The following CLEC7A variants were observed in gnomAD, a reference collection of about 807,000 sequenced individuals.
CLEC7A encodes the protein C-type lectin domain containing 7A.
In CLEC7A, 25 loss-of-function variants were observed where a neutral mutation model predicts 26.9. That is an observed-to-expected ratio of 0.93 (90% CI 0.68 to 1.30). The LOEUF (loss-of-function observed/expected upper bound fraction) is 1.30. CLEC7A is among the 50% of genes most tolerant of loss of function. The pLI is 0.00. For synonymous variants in CLEC7A, 100 were observed against 99.5 expected (o/e 1.01, Z -0.03); for missense variants, 275 against 286.7 (o/e 0.96, Z 0.29).
intron 1 of CLEC7A, among the ~76,000 whole-genome samples, chr12:10,129,557 A>G (rs1948419010): frequency 6.6e-6 from 1 of 152,210 alleles, no homozygotes; most frequent in Admixed American, 6.5e-5. Context: ...GTATATCCAT[A>G]AAAATATACA....
rs1947943753 is a variant in CLEC7A at position 10,117,394 on chromosome 12, G to A, written c.*1064C>T. 6.6e-6 allele frequency: 1 copy of A among 152,174 alleles called. No homozygotes were observed. The highest frequency in any genetic ancestry group is 2.4e-5 in the African/African-American group (1 of 41,392). 9.4% of individuals were successfully genotyped at this position (152,174 alleles called of 1,614,324 possible). On this transcript the variant is annotated 3_prime_UTR_variant, in exon 6 of 6. Coordinates refer to ENST00000304084, the MANE Select transcript of CLEC7A (RefSeq NM_197947.3). ...AAAAATACAAAATTAGCCGGGTGTG[G>A]TGGTGCCTGACTGTAATCCCAGCTA... is the stretch of plus-strand genomic sequence containing the variant.
In CLEC7A at chr12:10,122,484, C is replaced by CTTTTT. The variant is rs143612827; in HGVS notation, c.611+756_611+760dup. The stretch of plus-strand genomic sequence containing the variant: ...AGAGGAAAGCACTCTTTCTTTTTTT[C>CTTTTT]TTTTTTTTTTTTTTTTTTTTTGAGT... On this transcript the variant is annotated intron_variant, in intron 5 of 5. Coordinates refer to ENST00000304084, the MANE Select transcript of CLEC7A (RefSeq NM_197947.3). Among the ~76,000 whole-genome samples, 207 of 128,736 alleles carry CTTTTT rather than the reference C, an allele frequency of 1.6e-3. 3 individuals carry two copies. Among genetic ancestry groups the CTTTTT allele is most frequent in the African/African-American group, 2.0e-3 (65 of 31,870 alleles). 84.5% of individuals were successfully genotyped at this position (128,736 alleles called of 152,430 possible).
intron 2 of CLEC7A, chr12:10,127,367 A>G (rs768552452): frequency 6.2e-7 from 1 of 1,601,252 alleles, no homozygotes; most frequent in African/African-American, 1.3e-5. Context: ...AGACAGCACC[A>G]TATTGTACTT....
chr12:10,126,734 T>A (rs1223661893), intron 2 of CLEC7A, 26 bp from the exon 3 acceptor site: 3 of 1,569,162 alleles, frequency 1.9e-6, no homozygotes, highest in Admixed American at 1.9e-5. Flanking sequence ...ATAATAATAG[T>A]GACAGAAAAA....
At chr12:10,122,849 A>G (rs907037278) in intron 5 of CLEC7A, among the ~76,000 whole-genome samples, 2 of 152,140 alleles carry the variant, frequency 1.3e-5, no homozygotes, top group East Asian at 1.9e-4. Flanking sequence ...AAAGTGACTT[A>G]TCCCCAGTGT....
At chr12:10,123,590 TCTCTA>T in intron 4 of CLEC7A, among the ~76,000 whole-genome samples, 1 of 146,858 alleles carries the variant, frequency 6.8e-6, no homozygotes, top group South Asian at 2.1e-4. Flanking sequence ...TGAAACCCCG[TCTCTA>T]CTAAAAATAC....
At chr12:10,121,697 C>G (rs557668816) in intron 5 of CLEC7A, among the ~76,000 whole-genome samples, 1 of 152,168 alleles carries the variant, frequency 6.6e-6, no homozygotes, top group Non-Finnish European at 1.5e-5. Context: ...AGCCTTAAGT[C>G]TACATACTTG....
At chr12:10,118,979 C>G (rs1405980634) in intron 5 of CLEC7A, among the ~76,000 whole-genome samples, 1 of 151,762 alleles carries the variant, frequency 6.6e-6, no homozygotes, top group Non-Finnish European at 1.5e-5. Context: ...AATGAGTAGA[C>G]CAAGCAGAAG....
chr12:10,126,486 T>G (rs1316490406), intron 3 of CLEC7A, 85 bp downstream of exon 3: 1 of 1,482,244 alleles, frequency 6.7e-7, no homozygotes. Flanking sequence ...AATCTAAGTG[T>G]TTTTCTTTAC....
At chr12:10,127,630 A>G (rs1248170751) in intron 2 of CLEC7A, 117 bp downstream of exon 2, 2 of 946,030 alleles carry the variant, frequency 2.1e-6, no homozygotes, top group African/African-American at 3.3e-5. Context: ...TACAGATAAA[A>G]CCAGATTATA....
chr12:10,126,618 G>A lies in CLEC7A; in HGVS notation c.293C>T (p.Ser98Leu). The change falls in exon 3 of 6, where the codon TCA (serine) becomes TTA (leucine). Residue 98 changes from serine to leucine, a missense_variant. Ser to Leu is a moderately radical substitution (Grantham distance 145). Transcript: ENST00000304084. ...NKENHSQPTQ[S>L]SLEDSVTPTK... ...AGGAGTCACACTGTCTTCTAAAGATGATTGTGTGGGTTGACTGTGGTTCTC... is the reference window on the plus strand; with the variant it reads ...AGGAGTCACACTGTCTTCTAAAGATAATTGTGTGGGTTGACTGTGGTTCTC... The A allele has an allele frequency of 6.2e-7, 1 of 1,613,018 alleles. No homozygotes were observed. The highest frequency in any genetic ancestry group is 8.5e-7 in the Non-Finnish European group (1 of 1,179,544).
chr12:10,120,583 A>G (rs1948047536), intron 5 of CLEC7A, among the ~76,000 whole-genome samples: 1 of 151,092 alleles, frequency 6.6e-6, no homozygotes, highest in South Asian at 2.1e-4. Flanking sequence ...TTGTCTGTCT[A>G]ATTTTTATAT....
intron 1 of CLEC7A, 150 bp from the exon 2 acceptor site, chr12:10,127,995 G>C: frequency 1.6e-6 from 1 of 607,862 alleles, no homozygotes; most frequent in South Asian, 2.1e-5. Context: ...AGGATTGCTT[G>C]AGGCCAGAAG....
chr12:10,123,407 A>C (rs1948162910), intron 4 of CLEC7A, 44 bp from the exon 5 acceptor site: 1 of 1,138,222 alleles, frequency 8.8e-7, no homozygotes, highest in African/African-American at 1.6e-5. Context: ...AGAGAGAGAG[A>C]GAGAGAAAGA....
In CLEC7A at chr12:10,118,382, C is replaced by T. The variant is rs564703740; in HGVS notation, c.*76G>A. ...TTTTCTGCATTTATCTTGACCTCAG[C>T]TGTTACTCTTTTCTGTTCTGTTTTC... On this transcript the variant is annotated 3_prime_UTR_variant, in exon 6 of 6. Coordinates refer to ENST00000304084, the MANE Select transcript of CLEC7A (RefSeq NM_197947.3). 7 of 1,363,872 alleles carry T rather than the reference C, an allele frequency of 5.1e-6. No homozygotes were observed. The Admixed American group carries it at 5.8e-5, about 11-fold the overall frequency. 84.5% of individuals were successfully genotyped at this position (1,363,872 alleles called of 1,614,324 possible). A position where few individuals can be genotyped will look rare whatever the true frequency, so the allele number is the denominator to read the frequency against.
chr12:10,123,114 A>T, intron 5 of CLEC7A, 131 bp downstream of exon 5: 1 of 629,478 alleles, frequency 1.6e-6, no homozygotes, highest in Admixed American at 2.8e-5. Flanking sequence ...CTCTTCTTCT[A>T]TATCTTTCTC....
chr12:10,130,135 G>T lies in CLEC7A; in HGVS notation c.-53C>A. On this transcript the variant is annotated 5_prime_UTR_variant, in exon 1 of 6. Transcript: ENST00000304084. The stretch of plus-strand genomic sequence containing the variant: ...AGCATTTGGGAGCTCTTTTCTTTCT[G>T]CTCCTGAGATGACTGTCTGTGGACA... 1 of 845,482 alleles carries T rather than the reference G, an allele frequency of 1.2e-6. No individual in the cohort carries two copies. Among genetic ancestry groups the T allele is most frequent in the Non-Finnish European group, 2.0e-6 (1 of 505,026 alleles). 52.4% of individuals were successfully genotyped at this position (845,482 alleles called of 1,614,324 possible). A position where few individuals can be genotyped will look rare whatever the true frequency, so the allele number is the denominator to read the frequency against.
At chr12:10,118,653 G>T in intron 5 of CLEC7A, 63 bp from the exon 6 acceptor site, 2 of 1,388,350 alleles carry the variant, frequency 1.4e-6, no homozygotes, top group Non-Finnish European at 2.0e-6. Flanking sequence ...TCTACATGGC[G>T]CACAAATAAA....
intron 2 of CLEC7A, 108 bp downstream of exon 2, chr12:10,127,639 T>C: frequency 2.1e-6 from 2 of 947,950 alleles, no homozygotes; most frequent in Non-Finnish European, 1.7e-6. Context: ...AACCAGATTA[T>C]ATACAAATTA....
Sources: allele counts gnomAD v4.1 joint callset (sites outside exome capture counted in the v4.1 genomes callset), GRCh38; gene constraint gnomAD v4.1.1; transcripts MANE v1.5; gene names NCBI Gene and HGNC (gene_info 2026-07-23, HGNC 2026-07-21).